Variants in ABTB3 observed in about 807,000 individuals in gnomAD.
ABTB3 encodes the protein ankyrin repeat- and BTB/POZ domain-containing protein 3.
the ABTB3 span, among the ~76,000 whole-genome samples, chr12:107,621,379 T>C: frequency 6.6e-6 from 1 of 152,168 alleles, no homozygotes; most frequent in African/African-American, 2.4e-5. Flanking sequence ...AATAAGTAGC[T>C]GAATAAAGAG....
At chr12:107,332,206 T>G in the ABTB3 span, among the ~76,000 whole-genome samples, 3 of 151,880 alleles carry the variant, frequency 2.0e-5, no homozygotes, top group African/African-American at 7.3e-5. Flanking sequence ...CACATGGGAG[T>G]TGGAAATAAT....
At chr12:107,457,137 C>T in the ABTB3 span, among the ~76,000 whole-genome samples, 3 of 152,242 alleles carry the variant, frequency 2.0e-5, no homozygotes, top group Admixed American at 1.3e-4. Context: ...GCTAGGATTA[C>T]AGGCGTAAGC....
the ABTB3 span, among the ~76,000 whole-genome samples, chr12:107,533,753 A>G: frequency 6.6e-6 from 1 of 152,234 alleles, no homozygotes. Flanking sequence ...CATCAGAGTT[A>G]AACTGCACTT....
At chr12:107,559,805 C>G in the ABTB3 span, among the ~76,000 whole-genome samples, 1 of 152,106 alleles carries the variant, frequency 6.6e-6, no homozygotes, top group African/African-American at 2.4e-5. Context: ...TTGCTCTCCT[C>G]ACAGACTACA....
the ABTB3 span, among the ~76,000 whole-genome samples, chr12:107,434,627 C>T: frequency 6.6e-6 from 1 of 152,152 alleles, no homozygotes; most frequent in Non-Finnish European, 1.5e-5. Flanking sequence ...CTTTGGGAGG[C>T]TGAGGCGGGA....
chr12:107,610,642 C>T, the ABTB3 span, among the ~76,000 whole-genome samples: 2 of 152,142 alleles, frequency 1.3e-5, no homozygotes, highest in African/African-American at 2.4e-5. Flanking sequence ...CACCGTGTAA[C>T]CATCATTTAT....
the ABTB3 span, among the ~76,000 whole-genome samples, chr12:107,505,106 A>G: frequency 1.3e-5 from 2 of 152,216 alleles, no homozygotes; most frequent in African/African-American, 2.4e-5. Flanking sequence ...CAAATAGTGA[A>G]TCCAAAAGTT....
At chr12:107,477,735 A>G in the ABTB3 span, among the ~76,000 whole-genome samples, 13 of 152,234 alleles carry the variant, frequency 8.5e-5, no homozygotes, top group Non-Finnish European at 8.8e-5. Context: ...TGTGAACTCA[A>G]TGACAGAGAT....
the ABTB3 span, among the ~76,000 whole-genome samples, chr12:107,586,361 C>T: frequency 1.3e-5 from 2 of 152,156 alleles, no homozygotes; most frequent in African/African-American, 4.8e-5. Flanking sequence ...CTGGGCCCAG[C>T]GTGTGGCTCT....
chr12:107,508,434 A>ATTTTTTTTT, the ABTB3 span, among the ~76,000 whole-genome samples: 8 of 58,708 alleles, frequency 1.4e-4, no homozygotes, highest in Non-Finnish European at 2.3e-4. Flanking sequence ...CTCAAAGATC[A>ATTTTTTTTT]TTTCTTTTTT....
chr12:107,321,010 T>C, the ABTB3 span, among the ~76,000 whole-genome samples: 2 of 152,174 alleles, frequency 1.3e-5, no homozygotes, highest in Non-Finnish European at 2.9e-5. Flanking sequence ...GCCGGGGCGC[T>C]TGTTTTCGAG....
the ABTB3 span, chr12:107,520,129 G>A: frequency 1.4e-6 from 1 of 714,714 alleles, no homozygotes; most frequent in South Asian, 6.3e-5. Flanking sequence ...GCCTTTGTGG[G>A]GAGAACAAAG....
the ABTB3 span, among the ~76,000 whole-genome samples, chr12:107,602,511 G>A: frequency 2.0e-5 from 3 of 152,130 alleles, no homozygotes; most frequent in Admixed American, 6.5e-5. Context: ...CGCTATACAC[G>A]AATTATCTCA....
chr12:107,320,476 G>A, the ABTB3 span: 1 of 430,240 alleles, frequency 2.3e-6, no homozygotes, highest in Non-Finnish European at 4.6e-6. Flanking sequence ...CATGAATTGG[G>A]CTCCCTAGGA....
At chr12:107,651,328 G>A in the ABTB3 span, among the ~76,000 whole-genome samples, 4 of 152,316 alleles carry the variant, frequency 2.6e-5, no homozygotes, top group South Asian at 2.1e-4. Flanking sequence ...CTGGACAACA[G>A]AGTGAGACAC....
chr12:107,475,482 C>T, the ABTB3 span, among the ~76,000 whole-genome samples: 1 of 152,194 alleles, frequency 6.6e-6, no homozygotes. Flanking sequence ...AGCCTCCTGC[C>T]TGGTGGCCCT....
chr12:107,653,330 C>A, the ABTB3 span, among the ~76,000 whole-genome samples: 1 of 152,036 alleles, frequency 6.6e-6, no homozygotes, highest in Non-Finnish European at 1.5e-5. Flanking sequence ...TCCTGGCAAA[C>A]ACGGTGAAAC....
At chr12:107,419,850 G>C in the ABTB3 span, among the ~76,000 whole-genome samples, 1 of 152,232 alleles carries the variant, frequency 6.6e-6, no homozygotes, top group African/African-American at 2.4e-5. Context: ...ACAGGAACCA[G>C]AGTTAGGTGA....
chr12:107,382,883 C>T, the ABTB3 span, among the ~76,000 whole-genome samples: 15 of 152,166 alleles, frequency 9.9e-5, no homozygotes, highest in South Asian at 4.2e-4. Flanking sequence ...ATGTTCTGCA[C>T]GTGTATCCCA....
Sources: gnomAD v4.1 joint callset for allele counts (sites outside exome capture counted in the v4.1 genomes callset) on GRCh38, gnomAD v4.1.1 for gene constraint, MANE v1.5 for transcripts, NCBI Gene and HGNC (gene_info 2026-07-23, HGNC 2026-07-21) for gene names.